CSMD1: variants seen among roughly 807,000 people sequenced by gnomAD.
CSMD1 encodes CUB and sushi domain-containing protein 1.
Under a neutral mutation model 417.5 loss-of-function variants are expected in CSMD1, and 213 were observed. That is an observed-to-expected ratio of 0.51 (90% CI 0.46 to 0.57). CSMD1 has a LOEUF of 0.57. Among genes scored for constraint, CSMD1 ranks in the 20% least tolerant of loss-of-function variants. The pLI is 0.00. For missense variants in CSMD1, 6,923 were observed against 4,529.7 expected, an observed-to-expected ratio of 1.53 and a Z score of -15.17; for synonymous variants, 2,862 against 1,736.8, an observed-to-expected ratio of 1.65 and a Z score of -16.11.
chr8:4,972,326 C>A (rs1350826194), intron 1 of CSMD1, among the ~76,000 whole-genome samples: 1 of 152,118 alleles, frequency 6.6e-6, no homozygotes, highest in Non-Finnish European at 1.5e-5. Context: ...TCCCGATAAT[C>A]CCCAAGTGTC....
intron 12 of CSMD1, among the ~76,000 whole-genome samples, chr8:3,466,935 G>A (rs572457804): frequency 4.4e-4 from 67 of 151,998 alleles, no homozygotes; most frequent in Non-Finnish European, 8.2e-4. Context: ...TGTTGTATTG[G>A]TTAATGGTTT....
intron 12 of CSMD1, among the ~76,000 whole-genome samples, chr8:3,436,569 C>T (rs920569576): frequency 6.6e-6 from 1 of 152,098 alleles, no homozygotes; most frequent in African/African-American, 2.4e-5. Context: ...TTTCTACCTT[C>T]TATATCTTAT....
Position 2,936,223 on chromosome 8 carries a change from T to TTGTA in CSMD1, c.*2358_*2361dup, listed in dbSNP as rs56986664. On this transcript the variant is annotated 3_prime_UTR_variant, in exon 70 of 70. Transcript: ENST00000635120. ...CATATCTAATTTGATATGTGGTTTC[T>TTGTA]TGTATGTATGTATGTCCTGTCATTT... 20,361 of 151,788 alleles carry TTGTA rather than the reference T, an allele frequency of 0.13. 1,488 individuals carry two copies. The highest frequency in any genetic ancestry group is 0.26 in the Middle Eastern group (77 of 294). The allele number at this position is 151,788 out of a possible 1,614,324, so 9.4% of individuals were successfully genotyped here.
At chr8:4,808,560 T>C (rs559851651) in intron 1 of CSMD1, among the ~76,000 whole-genome samples, 82 of 152,286 alleles carry the variant, frequency 5.4e-4, no homozygotes, top group Non-Finnish European at 9.1e-4. Context: ...CAACTTAATA[T>C]GTTCCTAGAC....
chr8:4,514,449 G>C (rs777194736), intron 2 of CSMD1, among the ~76,000 whole-genome samples: 1 of 152,152 alleles, frequency 6.6e-6, no homozygotes, highest in African/African-American at 2.4e-5. Context: ...AGCCTGATAT[G>C]CATTTTTAAG....
At chr8:3,729,567 G>A (rs1802703858) in intron 6 of CSMD1, among the ~76,000 whole-genome samples, 2 of 152,120 alleles carry the variant, frequency 1.3e-5, no homozygotes, top group South Asian at 2.1e-4. Context: ...GAAGGTATCG[G>A]GTCAGTAAGA....
At chr8:4,708,571 C>T (rs2116852788) in intron 1 of CSMD1, among the ~76,000 whole-genome samples, 1 of 152,158 alleles carries the variant, frequency 6.6e-6, no homozygotes, top group South Asian at 2.1e-4. Flanking sequence ...AATATTGTAT[C>T]TTTGAGTCAC....
intron 5 of CSMD1, among the ~76,000 whole-genome samples, chr8:3,934,695 C>G (rs950185645): frequency 1.3e-5 from 2 of 151,808 alleles, no homozygotes; most frequent in Non-Finnish European, 1.5e-5. Context: ...CTCTACTAAA[C>G]ATGCAAAAAT....
At chr8:3,833,144 T>G (rs1435174920) in intron 5 of CSMD1, among the ~76,000 whole-genome samples, 2 of 152,170 alleles carry the variant, frequency 1.3e-5, no homozygotes, top group African/African-American at 4.8e-5. Context: ...ATCAACTTCC[T>G]CTCTTTAAAA....
chr8:4,987,635 C>T (rs1811249178), intron 1 of CSMD1, among the ~76,000 whole-genome samples: 1 of 152,024 alleles, frequency 6.6e-6, no homozygotes, highest in Non-Finnish European at 1.5e-5. Flanking sequence ...TGAGTGTCAA[C>T]ATGATTGGAT....
At chr8:4,153,804 T>C (rs769649908) in intron 3 of CSMD1, among the ~76,000 whole-genome samples, 1 of 152,228 alleles carries the variant, frequency 6.6e-6, no homozygotes, top group Non-Finnish European at 1.5e-5. Flanking sequence ...TATGTATTTG[T>C]GTCTGAAACA....
intron 3 of CSMD1, among the ~76,000 whole-genome samples, chr8:4,082,122 A>G (rs1423927533): frequency 1.3e-5 from 2 of 152,174 alleles, no homozygotes; most frequent in African/African-American, 4.8e-5. Context: ...TGTATTAACT[A>G]CATTAGGAAT....
At chr8:3,773,738 T>G (rs552027996) in intron 5 of CSMD1, among the ~76,000 whole-genome samples, 1 of 152,198 alleles carries the variant, frequency 6.6e-6, no homozygotes, top group Non-Finnish European at 1.5e-5. Context: ...AGGGCAAGCA[T>G]GATGGGCGGT....
intron 49 of CSMD1, among the ~76,000 whole-genome samples, chr8:3,082,160 T>C (rs188284487): frequency 6.6e-6 from 1 of 152,304 alleles, no homozygotes; most frequent in Non-Finnish European, 1.5e-5. Flanking sequence ...AGTCTTCATA[T>C]CCCTCAAACA....
chr8:3,588,468 G>C (rs1186768342), intron 8 of CSMD1, among the ~76,000 whole-genome samples: 2 of 152,048 alleles, frequency 1.3e-5, no homozygotes, highest in Non-Finnish European at 2.9e-5. Context: ...TATTCCAGGG[G>C]AGTTCAAACA....
At chr8:3,497,268 A>G (rs1028690428) in intron 10 of CSMD1, among the ~76,000 whole-genome samples, 1 of 152,152 alleles carries the variant, frequency 6.6e-6, no homozygotes, top group South Asian at 2.1e-4. Context: ...ATCTATTATT[A>G]TATTGGAGTC....
chr8:4,454,140 C>G (rs530963659), intron 2 of CSMD1, among the ~76,000 whole-genome samples: 1 of 152,092 alleles, frequency 6.6e-6, no homozygotes, highest in Non-Finnish European at 1.5e-5. Flanking sequence ...ATTCTTGATT[C>G]CTCCTACTCT....
intron 5 of CSMD1, among the ~76,000 whole-genome samples, chr8:3,852,753 C>A (rs1941993374): frequency 6.6e-6 from 1 of 152,060 alleles, no homozygotes; most frequent in African/African-American, 2.4e-5. Context: ...GCATCTCCCG[C>A]TGCACAGGTT....
At chr8:3,672,205 A>C (rs1201999958) in intron 7 of CSMD1, among the ~76,000 whole-genome samples, 1 of 152,154 alleles carries the variant, frequency 6.6e-6, no homozygotes, top group African/African-American at 2.4e-5. Flanking sequence ...AAATTGACTG[A>C]GTATGGCCTG....
Sources: gnomAD v4.1 joint callset for allele counts (sites outside exome capture counted in the v4.1 genomes callset) on GRCh38, gnomAD v4.1.1 for gene constraint, MANE v1.5 for transcripts, NCBI Gene and HGNC (gene_info 2026-07-23, HGNC 2026-07-21) for gene names.